UTRN: variants seen among roughly 807,000 people sequenced by gnomAD.
The protein encoded by UTRN is utrophin.
UTRN carries 283 observed loss-of-function variants against 463.9 expected under a neutral mutation model. The ratio of observed to expected loss-of-function variants is 0.61; its 90% CI spans 0.55 to 0.67. The LOEUF is 0.67. Among genes scored for constraint, UTRN ranks in the 30% least tolerant of loss-of-function variants. The pLI is 0.00. For missense variants in UTRN, 3,922 were observed against 4,084.3 expected (o/e 0.96, Z 1.08); for synonymous variants, 1,442 against 1,431.5 (o/e 1.01, Z -0.17).
intron 51 of UTRN, among the ~76,000 whole-genome samples, chr6:144,620,559 C>G (rs1184983136): frequency 2.6e-5 from 4 of 152,036 alleles, no homozygotes; most frequent in Non-Finnish European, 2.9e-5. Context: ...CAATGAGAAA[C>G]AGCATCCAAG....
Position 144,539,396 on chromosome 6 carries a change from G to C in UTRN, c.6472G>C (p.Asp2158His). Reference protein sequence around the residue: ...SDKSLSLPERDKISESLRTVN... With the variant: ...SDKSLSLPERHKISESLRTVN... ...TAAAAGTCTGAGTTTACCTGAAAGG[G>C]ATAAAATTTCAGAAAGCTTAAGGAC... Residue 2158 changes from aspartate (D) to histidine (H), a missense_variant, in exon 45 of 75, where the codon GAT (aspartate) becomes CAT (histidine). By Grantham distance (81) the Asp-to-His change is moderately conservative. Transcript: ENST00000367545. 1 of 1,613,228 alleles carries C rather than the reference G, an allele frequency of 6.2e-7. No individual in the cohort carries two copies. Among genetic ancestry groups the C allele is most frequent in the Non-Finnish European group, 8.5e-7 (1 of 1,179,614 alleles).
intron 34 of UTRN, among the ~76,000 whole-genome samples, chr6:144,500,402 A>T (rs898504817): frequency 1.3e-5 from 2 of 152,086 alleles, no homozygotes; most frequent in Non-Finnish European, 2.9e-5. Context: ...GTTGGCTGCT[A>T]GTATGTCCTT....
intron 73 of UTRN, among the ~76,000 whole-genome samples, chr6:144,843,623 T>A (rs1364362115): frequency 6.6e-6 from 1 of 152,222 alleles, no homozygotes; most frequent in East Asian, 1.9e-4. Flanking sequence ...GTACCTTCAA[T>A]GGGACCCACA....
chr6:144,639,034 A>C (rs1386741426), intron 51 of UTRN, among the ~76,000 whole-genome samples: 8 of 152,174 alleles, frequency 5.3e-5, no homozygotes. Flanking sequence ...TTGCCACTGC[A>C]CTCCAGCCTA....
intron 53 of UTRN, among the ~76,000 whole-genome samples, chr6:144,700,615 T>G (rs573860384): frequency 1.5e-4 from 23 of 152,294 alleles, no homozygotes; most frequent in African/African-American, 5.3e-4. Context: ...TTGCCCAGGC[T>G]GGAGTACAAT....
At chr6:144,767,861 A>G (rs1170816244) in intron 58 of UTRN, among the ~76,000 whole-genome samples, 1 of 152,148 alleles carries the variant, frequency 6.6e-6, no homozygotes, top group African/African-American at 2.4e-5. Flanking sequence ...TTATAATTAT[A>G]ATTGGAATGG....
intron 66 of UTRN, among the ~76,000 whole-genome samples, chr6:144,826,591 C>T (rs189590019): frequency 6.6e-6 from 1 of 152,176 alleles, no homozygotes; most frequent in Non-Finnish European, 1.5e-5. Context: ...ATATGACATC[C>T]CCAGCATTAA....
At chr6:144,377,569 T>C (rs73594958) in intron 2 of UTRN, among the ~76,000 whole-genome samples, 9,548 of 152,114 alleles carry the variant, frequency 0.063, 356 homozygotes, top group African/African-American at 0.11. Flanking sequence ...GTGGCAAGAG[T>C]GAGGCATGGA....
chr6:144,492,012 T>C (rs1001368991), intron 32 of UTRN, among the ~76,000 whole-genome samples: 3 of 152,130 alleles, frequency 2.0e-5, no homozygotes, highest in African/African-American at 7.2e-5. Flanking sequence ...TTTAAATTTA[T>C]TTTTATTTTT....
chr6:144,412,292 C>T (rs566195958), intron 3 of UTRN, among the ~76,000 whole-genome samples: 89 of 151,924 alleles, frequency 5.9e-4, no homozygotes, highest in African/African-American at 1.9e-3. Context: ...CTTTTAATTC[C>T]ACTACCAAGA....
chr6:144,654,771 T>G (rs78567611), intron 51 of UTRN, among the ~76,000 whole-genome samples: 1 of 152,230 alleles, frequency 6.6e-6, no homozygotes, highest in African/African-American at 2.4e-5. Flanking sequence ...AGCATTAACT[T>G]GTCTTGGCAT....
intron 51 of UTRN, among the ~76,000 whole-genome samples, chr6:144,605,792 TC>T (rs1312112194): frequency 1.3e-5 from 2 of 152,064 alleles, no homozygotes; most frequent in South Asian, 2.1e-4. Flanking sequence ...AGGCTAAGTT[TC>T]CTGATATCTG....
intron 33 of UTRN, among the ~76,000 whole-genome samples, chr6:144,494,658 G>GA (rs1793418396): frequency 6.6e-6 from 1 of 152,164 alleles, no homozygotes; most frequent in African/African-American, 2.4e-5. Context: ...TACAATCCCT[G>GA]AGCTAGACAC....
At chr6:144,740,604 G>T (rs981093374) in intron 54 of UTRN, among the ~76,000 whole-genome samples, 3 of 152,148 alleles carry the variant, frequency 2.0e-5, no homozygotes, top group African/African-American at 7.2e-5. Flanking sequence ...CTTTTCCGGT[G>T]TTCTTAACTA....
intron 33 of UTRN, among the ~76,000 whole-genome samples, chr6:144,494,725 T>C (rs947897720): frequency 6.6e-6 from 1 of 152,084 alleles, no homozygotes; most frequent in Non-Finnish European, 1.5e-5. Flanking sequence ...ACACAAAGGT[T>C]CTCCAAGGCC....
chr6:144,549,776 C>G (rs1798736957), intron 47 of UTRN, among the ~76,000 whole-genome samples: 1 of 152,126 alleles, frequency 6.6e-6, no homozygotes, highest in Non-Finnish European at 1.5e-5. Context: ...GTACAGGAGG[C>G]ACAAAGGACA....
At chr6:144,559,954 T>C (rs1335239866) in intron 50 of UTRN, among the ~76,000 whole-genome samples, 3 of 152,126 alleles carry the variant, frequency 2.0e-5, no homozygotes, top group Non-Finnish European at 4.4e-5. Context: ...CTGTGAGTTC[T>C]GAAGAATTGG....
chr6:144,773,465 GGT>G (rs1317946387), intron 59 of UTRN, among the ~76,000 whole-genome samples: 7 of 152,226 alleles, frequency 4.6e-5, no homozygotes, highest in African/African-American at 1.4e-4. Flanking sequence ...GGCTGAAAGG[GGT>G]GGTACCTTTT....
chr6:144,625,084 A>G (rs967687015), intron 51 of UTRN, among the ~76,000 whole-genome samples: 1 of 152,198 alleles, frequency 6.6e-6, no homozygotes, highest in Non-Finnish European at 1.5e-5. Context: ...ACATTGAATT[A>G]TTGGATTGGC....
Sources: gnomAD v4.1 joint callset for allele counts (sites outside exome capture counted in the v4.1 genomes callset) on GRCh38, gnomAD v4.1.1 for gene constraint, MANE v1.5 for transcripts, NCBI Gene and HGNC (gene_info 2026-07-23, HGNC 2026-07-21) for gene names.